The following EXOC6B variants were observed in gnomAD, a reference collection of about 807,000 sequenced individuals.
EXOC6B encodes exocyst complex component 6B, also known as SEC15 homolog B.
In EXOC6B, 54 loss-of-function variants were observed where a neutral mutation model predicts 113.5. The observed-to-expected ratio is 0.48, with a 90% CI of 0.38 to 0.60. EXOC6B has a LOEUF of 0.60. Among genes scored for constraint, EXOC6B ranks in the 20% least tolerant of loss-of-function variants. The pLI, the probability that EXOC6B is intolerant of heterozygous loss-of-function variation, is 0.00. For missense variants in EXOC6B, 797 were observed against 977.5 expected, an observed-to-expected ratio of 0.82 and a Z score of 2.46; for synonymous variants, 357 against 339.0, an observed-to-expected ratio of 1.05 and a Z score of -0.58.
chr2:72,536,590 T>C (rs181287934), intron 8 of EXOC6B, among the ~76,000 whole-genome samples: 2 of 152,298 alleles, frequency 1.3e-5, no homozygotes, highest in African/African-American at 4.8e-5. Flanking sequence ...ATTCCTCCAG[T>C]AATGAATACC....
rs892308280 is a variant in EXOC6B, at chr2:72,723,877, A to G, written c.465-5570T>C. Among the ~76,000 whole-genome samples the G allele has an allele frequency of 3.5e-4, 53 of 152,234 alleles. 1 individual carries two copies. The highest frequency in any genetic ancestry group is 1.2e-3 in the African/African-American group (51 of 41,476). ...TTTCAGACATTGGACATCAGGCAAC[A>G]TAGAACTGCTATCTCTGTAAAAAGA... On this transcript the variant is annotated intron_variant, in intron 5 of 21. Coordinates refer to ENST00000272427, the MANE Select transcript of EXOC6B (RefSeq NM_015189.3).
rs1686859920 is a variant in EXOC6B, at chr2:72,825,667, C to T, written c.113+131G>A. On this transcript the variant is annotated intron_variant, in intron 1 of 21. Coordinates refer to ENST00000272427, the MANE Select transcript of EXOC6B (RefSeq NM_015189.3). This position sits in a 1 kb window ranked among gnomAD's most constrained non-coding sequence, Gnocchi z 4.4. ...GCTGCGAAGGGAGACCCGCCTCGCC[C>T]GGTATGCAGGGTCTCTCCGAAGGGA... 6.1e-6 allele frequency: 7 copies of T among 1,138,698 alleles called. No homozygotes were observed. Among genetic ancestry groups the T allele is most frequent in the Middle Eastern group, 3.2e-4 (1 of 3,156 alleles). The allele number at this position is 1,138,698 out of a possible 1,614,324, so 70.5% of individuals were successfully genotyped here.
At chr2:72,678,346 T>G (rs971294574) in intron 6 of EXOC6B, among the ~76,000 whole-genome samples, 1 of 152,186 alleles carries the variant, frequency 6.6e-6, no homozygotes, top group Admixed American at 6.5e-5. Flanking sequence ...ACAATCTGAT[T>G]TCACTGCCCA....
chr2:72,430,462 C>T (rs968174890), intron 18 of EXOC6B, among the ~76,000 whole-genome samples: 1 of 152,186 alleles, frequency 6.6e-6, no homozygotes, highest in South Asian at 2.1e-4. Flanking sequence ...ATGGTGAAAC[C>T]CTGTCTTACT....
intron 20 of EXOC6B, among the ~76,000 whole-genome samples, chr2:72,235,127 A>G (rs544956858): frequency 1.1e-3 from 164 of 152,310 alleles, no homozygotes; most frequent in Non-Finnish European, 2.0e-3. Flanking sequence ...ATTCACAATA[A>G]CAAAGACATG....
intron 20 of EXOC6B, among the ~76,000 whole-genome samples, chr2:72,225,616 G>C (rs1681187689): frequency 6.6e-6 from 1 of 152,130 alleles, no homozygotes; most frequent in Admixed American, 6.5e-5. Flanking sequence ...TGAAGACAGG[G>C]CTCTTCAAGA....
chr2:72,430,167 A>C (rs1255563793), intron 18 of EXOC6B, among the ~76,000 whole-genome samples: 4 of 152,246 alleles, frequency 2.6e-5, no homozygotes, highest in African/African-American at 9.6e-5. Context: ...TTACTTACAG[A>C]GTTTTATAAG....
intron 20 of EXOC6B, among the ~76,000 whole-genome samples, chr2:72,276,708 A>G (rs1573155066): frequency 6.6e-6 from 1 of 152,226 alleles, no homozygotes; most frequent in East Asian, 1.9e-4. Flanking sequence ...TTCAAATGAT[A>G]TAAATGACTC....
intron 6 of EXOC6B, among the ~76,000 whole-genome samples, chr2:72,606,281 G>A (rs1461259062): frequency 6.6e-6 from 1 of 151,972 alleles, no homozygotes; most frequent in Non-Finnish European, 1.5e-5. Flanking sequence ...GTACTGTTAA[G>A]ATAAACGGAT....
intron 11 of EXOC6B, among the ~76,000 whole-genome samples, chr2:72,500,880 T>A (rs1700283625): frequency 6.6e-6 from 1 of 152,192 alleles, no homozygotes; most frequent in South Asian, 2.1e-4. Flanking sequence ...CTTGTCCGTT[T>A]CTCTTCATAT....
chr2:72,244,688 T>A (rs1682543913), intron 20 of EXOC6B, among the ~76,000 whole-genome samples: 2 of 151,908 alleles, frequency 1.3e-5, no homozygotes, highest in Non-Finnish European at 2.9e-5. Flanking sequence ...AGACACAAAT[T>A]ACCAATATCA....
intron 19 of EXOC6B, among the ~76,000 whole-genome samples, chr2:72,369,402 G>C (rs1690859338): frequency 6.6e-6 from 1 of 152,180 alleles, no homozygotes; most frequent in African/African-American, 2.4e-5. Context: ...CTCATGGGTA[G>C]GAAGAATCAA....
chr2:72,389,971 T>C (rs977119491), intron 18 of EXOC6B, among the ~76,000 whole-genome samples: 1 of 152,100 alleles, frequency 6.6e-6, no homozygotes, highest in African/African-American at 2.4e-5. Context: ...GAATCTCAGG[T>C]TCAGGAAAAA....
rs759526735 is a variant in EXOC6B at position 72,718,269 on chromosome 2, T to C, written c.503A>G (p.His168Arg). The C allele has an allele frequency of 6.2e-7, 1 of 1,613,798 alleles. No homozygotes were observed. Among genetic ancestry groups the C allele is most frequent in the Non-Finnish European group, 8.5e-7 (1 of 1,179,760 alleles). Residue 168 changes from histidine (H) to arginine (R), a missense_variant, in exon 6 of 22, where the codon CAT (histidine) becomes CGT (arginine). Transcript: ENST00000272427. The stretch of plus-strand genomic sequence containing the variant: ...GTGGCTTACTTGAGGCAGGTAGGTA[T>C]GCTCTAGATGTTCCAGAGTTTTCAG... ...PALKTLEHLE[H>R]TYLPQVSHYR...
chr2:72,471,863 A>G (rs1315003834), intron 17 of EXOC6B, among the ~76,000 whole-genome samples: 2 of 152,110 alleles, frequency 1.3e-5, no homozygotes, highest in African/African-American at 4.8e-5. Flanking sequence ...TGGGTCTGCT[A>G]TATGTGGCCT....
chr2:72,229,880 C>A (rs1681495052), intron 20 of EXOC6B, among the ~76,000 whole-genome samples: 1 of 152,158 alleles, frequency 6.6e-6, no homozygotes, highest in Admixed American at 6.5e-5. Context: ...TTTTGTGGTA[C>A]TGGATATAAT....
At chr2:72,758,206 C>T (rs931987700) in intron 1 of EXOC6B, among the ~76,000 whole-genome samples, 1 of 150,114 alleles carries the variant, frequency 6.7e-6, no homozygotes, top group Non-Finnish European at 1.5e-5. Context: ...ATTTGATATC[C>T]TGAAATTCTT....
chr2:72,702,991 C>T (rs1168550658), intron 6 of EXOC6B, among the ~76,000 whole-genome samples: 1 of 151,340 alleles, frequency 6.6e-6, no homozygotes, highest in Non-Finnish European at 1.5e-5. Context: ...ACATGAAGTC[C>T]TTGCCCATGC....
chr2:72,195,939 C>A (rs191394910), intron 20 of EXOC6B, among the ~76,000 whole-genome samples: 3 of 152,266 alleles, frequency 2.0e-5, no homozygotes, highest in Admixed American at 6.5e-5. Flanking sequence ...TATGTACAAG[C>A]AGACTTTCAA....
Sources: allele counts gnomAD v4.1 joint callset (sites outside exome capture counted in the v4.1 genomes callset), GRCh38; gene constraint gnomAD v4.1.1; non-coding constraint Gnocchi (gnomAD v3.1); transcripts MANE v1.5; gene names NCBI Gene and HGNC (gene_info 2026-07-23, HGNC 2026-07-21).